Variants in PDGFD observed in about 807,000 individuals in gnomAD.
The protein encoded by PDGFD is platelet derived growth factor D.
PDGFD carries 30 observed loss-of-function variants against 44.7 expected under a neutral mutation model. The observed-to-expected ratio is 0.67, with a 90% CI of 0.50 to 0.91. The LOEUF is 0.91. Among genes scored for constraint, PDGFD ranks in the 40% least tolerant of loss-of-function variants. The pLI, the probability that PDGFD is intolerant of heterozygous loss-of-function variation, is 0.00. For missense variants in PDGFD, 445 were observed against 457.8 expected (o/e 0.97, Z 0.25); for synonymous variants, 173 against 168.4 (o/e 1.03, Z -0.21).
At chr11:104,162,609 A>G (rs1484687584) in intron 1 of PDGFD, among the ~76,000 whole-genome samples, 5 of 152,212 alleles carry the variant, frequency 3.3e-5, no homozygotes, top group African/African-American at 4.8e-5. Context: ...ACTTCAGGTG[A>G]CGAGTACACT....
At chr11:104,119,642 T>C (rs1379037109) in intron 1 of PDGFD, among the ~76,000 whole-genome samples, 1 of 22,596 alleles carries the variant, frequency 4.4e-5, no homozygotes, top group Non-Finnish European at 9.1e-5. Flanking sequence ...ATATATAATA[T>C]ATTAATAGAT....
chr11:103,987,065 A>ACCCCC (rs10565380), intron 3 of PDGFD, among the ~76,000 whole-genome samples: 37 of 141,654 alleles, frequency 2.6e-4, no homozygotes, highest in Non-Finnish European at 3.5e-4. Flanking sequence ...CCACTTTCCA[A>ACCCCC]CCCCCCCCCA....
chr11:104,003,834 C>G (rs1859657476), intron 1 of PDGFD, among the ~76,000 whole-genome samples: 1 of 152,094 alleles, frequency 6.6e-6, no homozygotes, highest in Non-Finnish European at 1.5e-5. Flanking sequence ...GAAGGTGAAG[C>G]TTGGTGCTGG....
chr11:103,920,582 T>G (rs1858199310), intron 6 of PDGFD, among the ~76,000 whole-genome samples: 1 of 152,220 alleles, frequency 6.6e-6, no homozygotes, highest in African/African-American at 2.4e-5. Flanking sequence ...GTGTGCAGTT[T>G]GTAATACTTA....
intron 1 of PDGFD, among the ~76,000 whole-genome samples, chr11:104,073,294 A>T (rs1032458357): frequency 2.0e-5 from 3 of 152,190 alleles, no homozygotes; most frequent in African/African-American, 4.8e-5. Context: ...ATTGCAATTT[A>T]AAAATGCTAC....
intron 1 of PDGFD, among the ~76,000 whole-genome samples, chr11:104,082,137 C>CTATATATATATAT (rs1861053816): frequency 8.1e-6 from 1 of 123,222 alleles, no homozygotes; most frequent in Non-Finnish European, 1.6e-5. Context: ...TACATACATA[C>CTATATATATATAT]ATATATATAT....
intron 1 of PDGFD, among the ~76,000 whole-genome samples, chr11:104,005,676 T>C (rs1269570162): frequency 6.6e-6 from 1 of 152,190 alleles, no homozygotes; most frequent in African/African-American, 2.4e-5. Flanking sequence ...AACAACCCCA[T>C]GCCATTGGTA....
chr11:104,107,320 C>T (rs942799228), intron 1 of PDGFD, among the ~76,000 whole-genome samples: 13 of 152,036 alleles, frequency 8.6e-5, no homozygotes, highest in South Asian at 2.1e-4. Context: ...GGAGGTTATA[C>T]GGCACGCGAT....
At chr11:104,002,598 C>T (rs917985173) in intron 1 of PDGFD, among the ~76,000 whole-genome samples, 7 of 152,150 alleles carry the variant, frequency 4.6e-5, no homozygotes, top group Non-Finnish European at 8.8e-5. Context: ...TGAAAAATGA[C>T]TAACACAGGT....
At chr11:104,005,478 G>C (rs1420078185) in intron 1 of PDGFD, among the ~76,000 whole-genome samples, 1 of 152,140 alleles carries the variant, frequency 6.6e-6, no homozygotes, top group African/African-American at 2.4e-5. Context: ...GAGTTGTAAT[G>C]AATTATAGAT....
At chr11:104,129,348 G>T (rs949767089) in intron 1 of PDGFD, among the ~76,000 whole-genome samples, 8 of 151,746 alleles carry the variant, frequency 5.3e-5, no homozygotes, top group Admixed American at 3.9e-4. Context: ...CATAACAGCC[G>T]CATAAAGATT....
In PDGFD at chr11:104,005,781, G is replaced by C. The variant is rs557526014; in HGVS notation, c.125-5526C>G. Among the ~76,000 whole-genome samples, 81 of 152,302 alleles carry C rather than the reference G, an allele frequency of 5.3e-4. 1 individual carries two copies. The highest frequency in any genetic ancestry group is 3.4e-3 in the Middle Eastern group (1 of 294). On this transcript the variant is annotated intron_variant, in intron 1 of 6. Coordinates refer to ENST00000393158, the MANE Select transcript of PDGFD (RefSeq NM_025208.5). ...TGGAATCAAGATATGACCTTAGGCA[G>C]TCTACTACTTTCAGAGCACACATGC...
intron 1 of PDGFD, among the ~76,000 whole-genome samples, chr11:104,035,566 T>TC (rs1190690036): frequency 4.8e-5 from 3 of 62,296 alleles, no homozygotes; most frequent in African/African-American, 8.5e-5. Context: ...TTTTTCTTTT[T>TC]TTTTTTTTTT....
chr11:104,120,253 T>C (rs1861752804), intron 1 of PDGFD, among the ~76,000 whole-genome samples: 1 of 151,738 alleles, frequency 6.6e-6, no homozygotes, highest in Non-Finnish European at 1.5e-5. Flanking sequence ...GGCTAAATTG[T>C]TGCAATTGGC....
intron 3 of PDGFD, among the ~76,000 whole-genome samples, chr11:103,980,305 G>A (rs2134350892): frequency 6.6e-6 from 1 of 152,166 alleles, no homozygotes; most frequent in East Asian, 1.9e-4. Context: ...AATACATTAT[G>A]TTTTGCAGAA....
intron 1 of PDGFD, among the ~76,000 whole-genome samples, chr11:104,084,630 T>C (rs1481443763): frequency 1.4e-5 from 2 of 147,016 alleles, no homozygotes; most frequent in East Asian, 3.9e-4. Flanking sequence ...TATACATATA[T>C]AATATATAAT....
intron 1 of PDGFD, among the ~76,000 whole-genome samples, chr11:104,015,694 A>G (rs1197542666): frequency 1.3e-5 from 2 of 152,212 alleles, no homozygotes; most frequent in African/African-American, 2.4e-5. Context: ...TGAATAAATT[A>G]AAAAGCACTA....
At chr11:104,122,374 C>T (rs1370777973) in intron 1 of PDGFD, among the ~76,000 whole-genome samples, 1 of 152,006 alleles carries the variant, frequency 6.6e-6, no homozygotes, top group African/African-American at 2.4e-5. Flanking sequence ...GCAAATGGCA[C>T]ACTTAGTCCT....
At chr11:104,012,830 A>G (rs1565310424) in intron 1 of PDGFD, among the ~76,000 whole-genome samples, 1 of 152,210 alleles carries the variant, frequency 6.6e-6, no homozygotes, top group Non-Finnish European at 1.5e-5. Flanking sequence ...TGCAGGGGAA[A>G]CCAGGAGATG....
Sources: allele counts gnomAD v4.1 joint callset (sites outside exome capture counted in the v4.1 genomes callset), GRCh38; gene constraint gnomAD v4.1.1; transcripts MANE v1.5; gene names NCBI Gene and HGNC (gene_info 2026-07-23, HGNC 2026-07-21).